NKAIN2: variants seen among roughly 807,000 people sequenced by gnomAD.
NKAIN2 encodes sodium/potassium transporting ATPase interacting 2, also known as sodium/potassium-transporting ATPase subunit beta-1-interacting protein 2.
Under a neutral mutation model 32.6 loss-of-function variants are expected in NKAIN2, and 14 were observed. The observed-to-expected ratio is 0.43, with a 90% confidence interval of 0.28 to 0.67. NKAIN2 has a LOEUF of 0.67. Ranked by LOEUF, NKAIN2 falls within the 30% of genes least tolerant of loss-of-function variation. The pLI, the probability that NKAIN2 is intolerant of heterozygous loss-of-function variation, is 0.17. For missense variants in NKAIN2, 198 were observed against 258.3 expected (o/e 0.77, Z 1.60); for synonymous variants, 80 against 87.2 (o/e 0.92, Z 0.46).
chr6:124,168,861 G>A (rs943948453), intron 1 of NKAIN2, among the ~76,000 whole-genome samples: 2 of 151,966 alleles, frequency 1.3e-5, no homozygotes, highest in Non-Finnish European at 2.9e-5. Context: ...CTATTCTTTT[G>A]CACTATTTAC....
chr6:124,635,745 A>G (rs879846654), intron 3 of NKAIN2, among the ~76,000 whole-genome samples: 14 of 152,098 alleles, frequency 9.2e-5, no homozygotes, highest in Admixed American at 5.2e-4. Flanking sequence ...GGACATATCA[A>G]TTATAAATAG....
At chr6:123,940,127 C>T (rs115974463) in intron 1 of NKAIN2, among the ~76,000 whole-genome samples, 189 of 151,944 alleles carry the variant, frequency 1.2e-3, no homozygotes, top group African/African-American at 4.4e-3. Flanking sequence ...GGATGTGGAA[C>T]ACTGTTGGCT....
At chr6:124,453,284 T>C (rs892151478) in intron 3 of NKAIN2, among the ~76,000 whole-genome samples, 1 of 147,792 alleles carries the variant, frequency 6.8e-6, no homozygotes, top group African/African-American at 2.6e-5. Flanking sequence ...TGCCATTTTT[T>C]TCCTTCCCCC....
intron 3 of NKAIN2, among the ~76,000 whole-genome samples, chr6:124,538,135 ATAGT>A (rs777508422): frequency 8.6e-5 from 13 of 151,826 alleles, no homozygotes; most frequent in Non-Finnish European, 1.6e-4. Context: ...TTTATAGTCA[ATAGT>A]TAGTTTAATT....
At chr6:124,719,989 G>A (rs1385780449) in intron 4 of NKAIN2, among the ~76,000 whole-genome samples, 1 of 152,100 alleles carries the variant, frequency 6.6e-6, no homozygotes, top group East Asian at 1.9e-4. Flanking sequence ...ATTCCCCAAA[G>A]AGAATGTCAA....
chr6:124,363,371 T>A (rs1799378624), intron 3 of NKAIN2, among the ~76,000 whole-genome samples: 1 of 152,166 alleles, frequency 6.6e-6, no homozygotes, highest in Non-Finnish European at 1.5e-5. Context: ...ATTTGTTGTT[T>A]CTGGTTGGGG....
chr6:124,750,505 A>G (rs1467887734), intron 4 of NKAIN2, among the ~76,000 whole-genome samples: 1 of 150,738 alleles, frequency 6.6e-6, no homozygotes, highest in East Asian at 2.0e-4. Flanking sequence ...AGATGGATGG[A>G]TGGATGGATG....
chr6:124,506,119 T>G (rs1418544745), intron 3 of NKAIN2, among the ~76,000 whole-genome samples: 1 of 151,470 alleles, frequency 6.6e-6, no homozygotes, highest in Non-Finnish European at 1.5e-5. Flanking sequence ...AGGAGGAGCT[T>G]GCAGTGCGCC....
chr6:124,492,672 G>A (rs1198790997), intron 3 of NKAIN2, among the ~76,000 whole-genome samples: 3 of 151,874 alleles, frequency 2.0e-5, no homozygotes, highest in Non-Finnish European at 2.9e-5. Flanking sequence ...TTATTATAAT[G>A]CCATTGATTC....
intron 2 of NKAIN2, among the ~76,000 whole-genome samples, chr6:124,338,956 T>G (rs1186662897): frequency 1.3e-5 from 2 of 152,306 alleles, no homozygotes; most frequent in East Asian, 1.9e-4. Context: ...GGAGAGATTT[T>G]GGTGGGTGTA....
At chr6:124,712,262 T>A (rs1406002858) in intron 4 of NKAIN2, among the ~76,000 whole-genome samples, 2 of 139,348 alleles carry the variant, frequency 1.4e-5, no homozygotes, top group African/African-American at 5.6e-5. Flanking sequence ...AGGTTACTGC[T>A]GTCTTTTTGT....
rs111776845 is a variant in NKAIN2 at position 124,493,713 on chromosome 6, C to A, written c.273+138366C>A. Among the ~76,000 whole-genome samples the A allele has an allele frequency of 1.8e-3, 153 of 85,718 alleles. 1 individual carries two copies. The highest frequency in any genetic ancestry group is 5.6e-3 in the Admixed American group (48 of 8,580). 56.2% of individuals were successfully genotyped at this position (85,718 alleles called of 152,430 possible). Reference sequence around the variant, plus strand: ...TTATCTTTCTGCACACCAACCCCCCCCTCCAAAAAAAAAAAAAAAAAAAAA... The same window carrying A: ...TTATCTTTCTGCACACCAACCCCCCACTCCAAAAAAAAAAAAAAAAAAAAA... On this transcript the variant is annotated intron_variant, in intron 3 of 6. Transcript: ENST00000368417.
chr6:124,708,326 C>T (rs1775216453), intron 4 of NKAIN2, among the ~76,000 whole-genome samples: 1 of 151,806 alleles, frequency 6.6e-6, no homozygotes, highest in Non-Finnish European at 1.5e-5. Flanking sequence ...GTGAAGCGGG[C>T]TCTTTTTTGG....
intron 1 of NKAIN2, among the ~76,000 whole-genome samples, chr6:123,807,063 T>G (rs548343953): frequency 7.9e-5 from 12 of 152,106 alleles, no homozygotes; most frequent in Admixed American, 6.5e-4. Flanking sequence ...TTCAGAGACA[T>G]TTACCTGTCA....
At position 124,235,599 on chromosome 6, in the gene NKAIN2, G is replaced by T. The variant is rs568874440; in HGVS notation, c.55-47406G>T. On this transcript the variant is annotated intron_variant, in intron 1 of 6. Transcript: ENST00000368417. ...ATTTTAGTTTTGTTTTTGTTTTTTT[G>T]TTGTTTTTTTTTTTCCTGAGACAGA... 1.9e-3 allele frequency among the ~76,000 whole-genome samples: 164 copies of T among 87,920 alleles called. 1 individual carries two copies. Among genetic ancestry groups the T allele is most frequent in the Middle Eastern group, 0.014 (2 of 142 alleles). 57.7% of individuals were successfully genotyped at this position (87,920 alleles called of 152,430 possible).
At chr6:124,641,012 C>T (rs1217751678) in intron 3 of NKAIN2, among the ~76,000 whole-genome samples, 1 of 152,170 alleles carries the variant, frequency 6.6e-6, no homozygotes, top group Middle Eastern at 3.2e-3. Context: ...TTGATATGCA[C>T]TTCTTGAGAA....
At chr6:124,652,282 C>T (rs1784394802) in intron 3 of NKAIN2, among the ~76,000 whole-genome samples, 1 of 152,196 alleles carries the variant, frequency 6.6e-6, no homozygotes, top group East Asian at 1.9e-4. Context: ...ATGGCCTCTA[C>T]TGCCCATATT....
At chr6:124,568,822 CAA>C (rs3053601) in intron 3 of NKAIN2, among the ~76,000 whole-genome samples, 3,545 of 80,212 alleles carry the variant, frequency 0.044, 40 homozygotes, top group African/African-American at 0.083. Context: ...AGCACTGTGG[CAA>C]AAAAAAAAAA....
intron 3 of NKAIN2, among the ~76,000 whole-genome samples, chr6:124,641,436 T>C (rs756464567): frequency 1.0e-4 from 15 of 144,904 alleles, no homozygotes; most frequent in Non-Finnish European, 1.5e-4. Context: ...AATTAAAACA[T>C]ATAATAGCAA....
Sources: gnomAD v4.1 joint callset for allele counts (sites outside exome capture counted in the v4.1 genomes callset) on GRCh38, gnomAD v4.1.1 for gene constraint, MANE v1.5 for transcripts, NCBI Gene and HGNC (gene_info 2026-07-23, HGNC 2026-07-21) for gene names.